Variants in FAM171A1 observed in about 807,000 individuals in gnomAD.
FAM171A1 encodes the protein family with sequence similarity 171 member A1.
Under a neutral mutation model 74.9 loss-of-function variants are expected in FAM171A1, and 23 were observed. That is an observed-to-expected ratio of 0.31 (90% CI 0.22 to 0.44). The LOEUF (loss-of-function observed/expected upper bound fraction) is 0.44, where lower values mean the gene tolerates loss of function less well. Ranked by LOEUF, FAM171A1 falls within the 20% of genes least tolerant of loss-of-function variation. The pLI is 1.00. For synonymous variants in FAM171A1, 527 were observed against 505.7 expected, an observed-to-expected ratio of 1.04 and a Z score of -0.57; for missense variants, 1,162 against 1,159.2, an observed-to-expected ratio of 1.00 and a Z score of -0.03.
chr10:15,352,776 G>C (rs1434593221), intron 1 of FAM171A1, among the ~76,000 whole-genome samples: 1 of 152,190 alleles, frequency 6.6e-6, no homozygotes, highest in Admixed American at 6.5e-5. Flanking sequence ...AAAGCCACTT[G>C]AATGGTTCGC....
At chr10:15,358,088 G>A (rs1044661709) in intron 1 of FAM171A1, among the ~76,000 whole-genome samples, 2 of 152,140 alleles carry the variant, frequency 1.3e-5, no homozygotes, top group East Asian at 1.9e-4. Flanking sequence ...TGATATTGTC[G>A]CCTCAGCCTC....
At chr10:15,312,671 GTGTTTT>G (rs1835374510) in intron 1 of FAM171A1, among the ~76,000 whole-genome samples, 1 of 51,882 alleles carries the variant, frequency 1.9e-5, no homozygotes, top group Non-Finnish European at 3.4e-5. Context: ...TCAGCACTGT[GTGTTTT>G]TTTTTTTTTT....
At chr10:15,331,263 C>T (rs567828609) in intron 1 of FAM171A1, among the ~76,000 whole-genome samples, 49 of 152,244 alleles carry the variant, frequency 3.2e-4, no homozygotes, top group Admixed American at 7.2e-4. Flanking sequence ...GGAGGGGAGG[C>T]GTCACCAGGC....
intron 1 of FAM171A1, among the ~76,000 whole-genome samples, chr10:15,343,948 A>C (rs1225908880): frequency 3.9e-5 from 6 of 152,200 alleles, no homozygotes; most frequent in Non-Finnish European, 8.8e-5. Context: ...AAGTTCAATA[A>C]ATTATTGCTG....
At position 15,284,195 on chromosome 10, in the gene FAM171A1, G is replaced by A. The variant is rs1361996053; in HGVS notation, c.98-90C>T. 3 of 1,224,992 alleles carry A rather than the reference G, an allele frequency of 2.4e-6. No individual in the cohort carries two copies. The East Asian group carries it at 7.1e-5, about 29-fold the overall frequency. The allele number at this position is 1,224,992 out of a possible 1,614,324, so 75.9% of individuals were successfully genotyped here. A position where few individuals can be genotyped will look rare whatever the true frequency, so the allele number is the denominator to read the frequency against. On this transcript the variant is annotated intron_variant, in intron 1 of 7. Coordinates refer to ENST00000378116, the MANE Select transcript of FAM171A1 (RefSeq NM_001010924.2). ...ATGACTGTGATGGGAAGTGGAAGGA[G>A]GGCTCTGTAAGGACATCAAGGTTGA...
At chr10:15,301,338 G>T (rs1404854849) in intron 1 of FAM171A1, among the ~76,000 whole-genome samples, 1 of 139,498 alleles carries the variant, frequency 7.2e-6, no homozygotes, top group Non-Finnish European at 1.6e-5. Context: ...ATGCCCACAC[G>T]CCCAGCTATA....
intron 5 of FAM171A1, among the ~76,000 whole-genome samples, chr10:15,229,052 G>A (rs79551340): frequency 1.1e-4 from 16 of 152,214 alleles, no homozygotes; most frequent in African/African-American, 3.9e-4. Context: ...GCTGGGACTC[G>A]GAAAGAAATG....
At chr10:15,233,903 CAA>C (rs915508767) in intron 5 of FAM171A1, among the ~76,000 whole-genome samples, 3 of 129,078 alleles carry the variant, frequency 2.3e-5, no homozygotes, top group Non-Finnish European at 1.7e-5. Flanking sequence ...TCCGTCTCAC[CAA>C]AAAAAAAAAA....
chr10:15,253,884 G>A (rs1834541153), intron 4 of FAM171A1, among the ~76,000 whole-genome samples: 1 of 152,232 alleles, frequency 6.6e-6, no homozygotes, highest in Non-Finnish European at 1.5e-5. Context: ...CCAGAGAATG[G>A]TGCAGTTGGA....
chr10:15,245,667 C>T (rs1203418610), intron 5 of FAM171A1, among the ~76,000 whole-genome samples: 1 of 152,240 alleles, frequency 6.6e-6, no homozygotes, highest in Non-Finnish European at 1.5e-5. Flanking sequence ...GCAGAGCTGG[C>T]ATTCCACACC....
intron 1 of FAM171A1, among the ~76,000 whole-genome samples, chr10:15,310,659 C>T (rs1262511822): frequency 1.3e-5 from 2 of 151,956 alleles, no homozygotes; most frequent in South Asian, 2.1e-4. Flanking sequence ...GTCTGGAGTT[C>T]GAGACCAGCC....
chr10:15,296,288 ATTATAT>A (rs1027702296), intron 1 of FAM171A1, among the ~76,000 whole-genome samples: 27 of 152,210 alleles, frequency 1.8e-4, no homozygotes, highest in African/African-American at 6.0e-4. Context: ...ATCCAAGGAA[ATTATAT>A]TTATATATTT....
chr10:15,284,768 A>G (rs926861576), intron 1 of FAM171A1, among the ~76,000 whole-genome samples: 2 of 152,182 alleles, frequency 1.3e-5, no homozygotes, highest in African/African-American at 4.8e-5. Flanking sequence ...ACAGTGGGCC[A>G]TGGTATTTGC....
At chr10:15,263,354 A>T (rs373791045) in intron 3 of FAM171A1, among the ~76,000 whole-genome samples, 2 of 152,200 alleles carry the variant, frequency 1.3e-5, no homozygotes, top group East Asian at 3.8e-4. Flanking sequence ...TTATGGATTT[A>T]CTACCAAACC....
chr10:15,279,443 C>G (rs1019786703), intron 2 of FAM171A1, among the ~76,000 whole-genome samples: 3 of 152,136 alleles, frequency 2.0e-5, no homozygotes, highest in East Asian at 1.9e-4. Flanking sequence ...GACGGAGATC[C>G]GTGGGTAGTG....
At chr10:15,298,600 C>G (rs1166276902) in intron 1 of FAM171A1, among the ~76,000 whole-genome samples, 1 of 152,118 alleles carries the variant, frequency 6.6e-6, no homozygotes. Context: ...AGAATCGAAG[C>G]ACCAAAACGA....
chr10:15,360,368 G>A (rs1024632256), intron 1 of FAM171A1, among the ~76,000 whole-genome samples: 5 of 152,176 alleles, frequency 3.3e-5, no homozygotes, highest in African/African-American at 4.8e-5. Flanking sequence ...GTGGCAGTTC[G>A]TTAAGGTAGA....
intron 2 of FAM171A1, among the ~76,000 whole-genome samples, chr10:15,278,923 G>A (rs539518126): frequency 2.0e-5 from 3 of 152,174 alleles, no homozygotes; most frequent in Non-Finnish European, 4.4e-5. Flanking sequence ...ACCTCCTGGC[G>A]AGGAGGAATG....
At chr10:15,362,851 G>T (rs778733667) in intron 1 of FAM171A1, among the ~76,000 whole-genome samples, 1 of 152,190 alleles carries the variant, frequency 6.6e-6, no homozygotes, top group African/African-American at 2.4e-5. Flanking sequence ...CTACCATCTA[G>T]ATGTCCTTCT....
Sources: gnomAD v4.1 joint callset for allele counts (sites outside exome capture counted in the v4.1 genomes callset) on GRCh38, gnomAD v4.1.1 for gene constraint, MANE v1.5 for transcripts, NCBI Gene and HGNC (gene_info 2026-07-23, HGNC 2026-07-21) for gene names.